Variants in DGKH observed in about 807,000 individuals in gnomAD.
The protein encoded by DGKH is diacylglycerol kinase eta.
In DGKH, 90 loss-of-function variants were observed where a neutral mutation model predicts 159.3. The observed-to-expected ratio is 0.57, with a 90% confidence interval of 0.48 to 0.67. DGKH has a LOEUF of 0.67. Among genes scored for constraint, DGKH ranks in the 30% least tolerant of loss-of-function variants. The pLI is 0.00. For synonymous variants in DGKH, 536 were observed against 553.8 expected (o/e 0.97, Z 0.45); for missense variants, 1,181 against 1,506.1 (o/e 0.78, Z 3.57).
Position 42,185,710 on chromosome 13 carries a change from A to G in DGKH, c.1539-1339A>G, listed in dbSNP as rs75700795. On this transcript the variant is annotated intron_variant, in intron 13 of 29. Transcript: ENST00000337343. ...AGAAGAGATTTTGTGATAGTGTTAT[A>G]TATATTTCGAGAAATCCCATGAAGT... Among the ~76,000 whole-genome samples, 960 of 152,302 alleles carry G rather than the reference A, an allele frequency of 6.3e-3. 11 individuals are homozygous for G. The highest frequency in any genetic ancestry group is 0.022 in the African/African-American group (917 of 41,564).
Position 42,142,914 on chromosome 13 carries a change from C to T in DGKH, c.385-12377C>T, listed in dbSNP as rs565167447. On this transcript the variant is annotated intron_variant, in intron 3 of 29. Transcript: ENST00000337343. Reference sequence around the variant, plus strand: ...TCCTTCTCCTGCCTAATTGCCCTGGCCAGAACTTCCAACACTGTGTTGAAT... The same window carrying T: ...TCCTTCTCCTGCCTAATTGCCCTGGTCAGAACTTCCAACACTGTGTTGAAT... Among the ~76,000 whole-genome samples, 1,209 of 152,248 alleles carry T rather than the reference C, an allele frequency of 7.9e-3. 13 individuals are homozygous for T. Among genetic ancestry groups the T allele is most frequent in the South Asian group, 0.012 (59 of 4,812 alleles).
intron 29 of DGKH, chr13:42,225,328 T>G: frequency 6.3e-7 from 1 of 1,584,434 alleles, no homozygotes; most frequent in Non-Finnish European, 8.5e-7. Context: ...AAGAAAATGG[T>G]AAACATATGG....
At chr13:42,177,041 T>A (rs1253739467) in intron 12 of DGKH, among the ~76,000 whole-genome samples, 2 of 152,216 alleles carry the variant, frequency 1.3e-5, no homozygotes, top group Non-Finnish European at 2.9e-5. Flanking sequence ...TCAGCATTTT[T>A]AAAAACTTTT....
At chr13:42,184,071 C>T (rs1379179013) in intron 13 of DGKH, among the ~76,000 whole-genome samples, 1 of 152,140 alleles carries the variant, frequency 6.6e-6, no homozygotes, top group Non-Finnish European at 1.5e-5. Context: ...TTTAGGCCAA[C>T]CCGCCTCATT....
chr13:42,158,715 A>G (rs1367910680), intron 5 of DGKH, among the ~76,000 whole-genome samples: 1 of 152,086 alleles, frequency 6.6e-6, no homozygotes, highest in Admixed American at 6.6e-5. Context: ...TCACCAACCT[A>G]TTTTCCATGA....
chr13:42,210,669 G>C lies in DGKH; in HGVS notation c.2918G>C (p.Arg973Pro), dbSNP rs556793592. ...TGTGATTCTGGTAAACCAGTTCTCC[G>C]AACCCATTTGTACATCCATCACGCC... is the stretch of plus-strand genomic sequence containing the variant. ...QKCDSGKPVL[R>P]THLYIHHAID... Residue 973 changes from arginine (R) to proline (P), a missense_variant, in exon 24 of 30, where the codon CGA (arginine) becomes CCA (proline). Coordinates refer to ENST00000337343, the MANE Select transcript of DGKH (RefSeq NM_178009.5). The C allele has an allele frequency of 5.6e-6, 9 of 1,612,072 alleles. No homozygotes were observed. The highest frequency in any genetic ancestry group is 1.1e-5 in the South Asian group (1 of 90,990).
At chr13:42,089,370 A>C (rs1484165367) in intron 1 of DGKH, among the ~76,000 whole-genome samples, 4 of 152,170 alleles carry the variant, frequency 2.6e-5, no homozygotes, top group African/African-American at 9.7e-5. Context: ...AATAAATTTA[A>C]TGTTTTCATT....
intron 14 of DGKH, among the ~76,000 whole-genome samples, chr13:42,188,226 G>C (rs1018188923): frequency 1.2e-4 from 18 of 152,152 alleles, no homozygotes; most frequent in African/African-American, 4.3e-4. Flanking sequence ...AAGACAAATA[G>C]ATGAGGAGGA....
chr13:42,154,347 A>G (rs1197755787), intron 3 of DGKH, among the ~76,000 whole-genome samples: 3 of 152,226 alleles, frequency 2.0e-5, no homozygotes, highest in Non-Finnish European at 4.4e-5. Context: ...TCTTCTTGAC[A>G]GTAAATGTGT....
chr13:42,112,494 A>T (rs552829565), intron 1 of DGKH, among the ~76,000 whole-genome samples: 1 of 152,286 alleles, frequency 6.6e-6, no homozygotes, highest in South Asian at 2.1e-4. Flanking sequence ...AATTCCTCAG[A>T]GGCATCCCAG....
intron 1 of DGKH, among the ~76,000 whole-genome samples, chr13:42,107,800 T>C (rs566734662): frequency 6.6e-6 from 1 of 152,184 alleles, no homozygotes; most frequent in East Asian, 1.9e-4. Context: ...TTGAGTGTGC[T>C]GTCTCTCTGA....
chr13:42,241,113 A>AG lies in DGKH; in HGVS notation c.*11925_*11926insG, dbSNP rs561640807. On this transcript the variant is annotated 3_prime_UTR_variant, in exon 30 of 30. Coordinates refer to ENST00000337343, the MANE Select transcript of DGKH (RefSeq NM_178009.5). ...GGCGACAGAGTGAGACTCTGTCTCA[A>AG]AAAAAAGAAAAAAAATCAAAATAAT... 1.3e-4 allele frequency: 19 copies of AG among 151,932 alleles called. No homozygotes were observed. Among genetic ancestry groups the AG allele is most frequent in the Admixed American group, 7.9e-4 (12 of 15,258 alleles). 9.4% of individuals were successfully genotyped at this position (151,932 alleles called of 1,614,324 possible).
At chr13:42,055,234 A>T (rs1356615470) in intron 1 of DGKH, among the ~76,000 whole-genome samples, 1 of 152,188 alleles carries the variant, frequency 6.6e-6, no homozygotes, top group Non-Finnish European at 1.5e-5. Context: ...GTTAAATATG[A>T]TCCACATTTA....
At position 42,068,234 on chromosome 13, in the gene DGKH, T is replaced by C. The variant is rs548620267; in HGVS notation, c.192+19269T>C. ...AAATTTTAAAAACTAAGTTAATTTT[T>C]ATAATTAAATACAGAAAATATATTG... On this transcript the variant is annotated intron_variant, in intron 1 of 29. Coordinates refer to ENST00000337343, the MANE Select transcript of DGKH (RefSeq NM_178009.5). Among the ~76,000 whole-genome samples the C allele has an allele frequency of 1.2e-4, 19 of 152,340 alleles. No homozygotes were observed. The South Asian group carries it at 3.1e-3, about 25-fold the overall frequency.
At chr13:42,057,448 C>T (rs923308433) in intron 1 of DGKH, among the ~76,000 whole-genome samples, 1 of 152,088 alleles carries the variant, frequency 6.6e-6, no homozygotes, top group Non-Finnish European at 1.5e-5. Context: ...TCTTGTAGTA[C>T]TTTAAAATTA....
chr13:42,255,753 C>T lies in DGKH; in HGVS notation n.4128-531C>T, dbSNP rs142613695. 724 of 425,494 alleles carry T rather than the reference C, an allele frequency of 1.7e-3. 3 individuals carry two copies. The highest frequency in any genetic ancestry group is 1.0e-2 in the African/African-American group (490 of 49,058). The allele number at this position is 425,494 out of a possible 1,614,324, so 26.4% of individuals were successfully genotyped here. The stretch of plus-strand genomic sequence containing the variant: ...AAATGACATGTGGGAAGCAAAACTG[C>T]GAACTTCTCAGAAGAAAATATAAGG... On this transcript the variant is annotated intron_variant and non_coding_transcript_variant, in intron 30 of 30. Coordinates refer to the DGKH transcript ENST00000498255.
intron 11 of DGKH, 66 bp from the exon 12 acceptor site, chr13:42,173,994 A>G: frequency 8.8e-7 from 1 of 1,134,314 alleles, no homozygotes; most frequent in Non-Finnish European, 1.3e-6. Flanking sequence ...CGCGTTTATG[A>G]GATGCTAACA....
At position 42,248,482 on chromosome 13, in the gene DGKH, ATAT is replaced by A. The variant is rs1485962607; in HGVS notation, n.4055-3923_4055-3921del. Among the ~76,000 whole-genome samples the A allele has an allele frequency of 2.7e-4, 40 of 147,098 alleles. 2 individuals carry two copies. In the East Asian group the frequency reaches 7.6e-3, roughly 28 times the overall value. The stretch of plus-strand genomic sequence containing the variant: ...AAGTATAATATATAATTTATATATA[ATAT>A]TATATATATAATTTATAATTAAATA... On this transcript the variant is annotated intron_variant and non_coding_transcript_variant, in intron 29 of 30. Coordinates refer to the DGKH transcript ENST00000498255.
At chr13:42,167,156 G>C (rs1055723290) in intron 9 of DGKH, among the ~76,000 whole-genome samples, 1 of 152,136 alleles carries the variant, frequency 6.6e-6, no homozygotes, top group Non-Finnish European at 1.5e-5. Context: ...TCAGCTTTCT[G>C]GATGTCATAT....
Sources: allele counts gnomAD v4.1 joint callset (sites outside exome capture counted in the v4.1 genomes callset), GRCh38; gene constraint gnomAD v4.1.1; transcripts MANE v1.5; gene names NCBI Gene and HGNC (gene_info 2026-07-23, HGNC 2026-07-21).